HDAC9: variants seen among roughly 807,000 people sequenced by gnomAD.
HDAC9 encodes the protein MEF-2 interacting transcription repressor (MITR) protein.
In HDAC9, 41 loss-of-function variants were observed where a neutral mutation model predicts 139.4. The observed-to-expected ratio is 0.29, with a 90% CI of 0.23 to 0.38. The LOEUF (loss-of-function observed/expected upper bound fraction) is 0.38. Ranked by LOEUF, HDAC9 falls within the 10% of genes least tolerant of loss-of-function variation. The pLI is 1.00. For synonymous variants in HDAC9, 517 were observed against 476.2 expected, an observed-to-expected ratio of 1.09 and a Z score of -1.12; for missense variants, 1,147 against 1,297.0, an observed-to-expected ratio of 0.88 and a Z score of 1.78.
intron 17 of HDAC9, 128 bp from the exon 18 acceptor site, chr7:18,829,033 C>G: frequency 1.4e-6 from 1 of 711,064 alleles, no homozygotes; most frequent in Non-Finnish European, 2.6e-6. Context: ...AAAACAATCT[C>G]GGAAGCGTAT....
At chr7:18,986,869 G>A (rs1235998950) in intron 25 of HDAC9, among the ~76,000 whole-genome samples, 2 of 152,126 alleles carry the variant, frequency 1.3e-5, no homozygotes, top group African/African-American at 4.8e-5. Flanking sequence ...TTGGCTGTTT[G>A]TCTGTTGTTG....
intron 2 of HDAC9, among the ~76,000 whole-genome samples, chr7:18,496,944 G>T (rs1797096929): frequency 6.6e-6 from 1 of 152,080 alleles, no homozygotes; most frequent in Non-Finnish European, 1.5e-5. Context: ...GTCTAGCATT[G>T]TCAGGCAGAT....
intron 1 of HDAC9, among the ~76,000 whole-genome samples, chr7:18,464,431 A>C (rs1470412809): frequency 6.6e-6 from 1 of 151,922 alleles, no homozygotes; most frequent in Admixed American, 6.6e-5. Flanking sequence ...AAGTATGTTT[A>C]TTTTAATATC....
chr7:18,561,945 A>G (rs1443803610), intron 2 of HDAC9, among the ~76,000 whole-genome samples: 2 of 152,220 alleles, frequency 1.3e-5, no homozygotes, highest in Non-Finnish European at 2.9e-5. Context: ...TTTTGTTTGC[A>G]TATATCTAGC....
chr7:18,614,298 C>T (rs79030263), intron 6 of HDAC9, among the ~76,000 whole-genome samples: 1 of 152,204 alleles, frequency 6.6e-6, no homozygotes, highest in African/African-American at 2.4e-5. Context: ...TCCAATCCGC[C>T]ACACCGCAAG....
intron 17 of HDAC9, among the ~76,000 whole-genome samples, chr7:18,796,386 T>A (rs1042974576): frequency 6.6e-6 from 1 of 152,248 alleles, no homozygotes; most frequent in African/African-American, 2.4e-5. Context: ...GGGATATTGA[T>A]GAGCTGAAGG....
chr7:18,377,360 G>A (rs1785074439), intron 1 of HDAC9, among the ~76,000 whole-genome samples: 1 of 152,088 alleles, frequency 6.6e-6, no homozygotes, highest in Non-Finnish European at 1.5e-5. Context: ...AGTATATAGT[G>A]TTTGGTTTTC....
At chr7:18,513,841 C>T (rs969704113) in intron 2 of HDAC9, among the ~76,000 whole-genome samples, 1 of 152,150 alleles carries the variant, frequency 6.6e-6, no homozygotes, top group Non-Finnish European at 1.5e-5. Flanking sequence ...CTTTCTTGAA[C>T]CTCCAAAATA....
At chr7:18,990,175 C>A (rs549171051) in intron 25 of HDAC9, among the ~76,000 whole-genome samples, 27 of 152,236 alleles carry the variant, frequency 1.8e-4, no homozygotes, top group African/African-American at 6.3e-4. Flanking sequence ...TTTTCCCCAT[C>A]TTTGTGGTTT....
At chr7:18,908,532 C>T (rs1802472807) in intron 22 of HDAC9, among the ~76,000 whole-genome samples, 1 of 152,026 alleles carries the variant, frequency 6.6e-6, no homozygotes, top group African/African-American at 2.4e-5. Context: ...CCAACCTTTT[C>T]CTATTTCTCC....
At chr7:18,158,332 T>G (rs991094860) in intron 1 of HDAC9, among the ~76,000 whole-genome samples, 4 of 152,218 alleles carry the variant, frequency 2.6e-5, no homozygotes, top group African/African-American at 9.6e-5. Context: ...TTTGGATTCA[T>G]TGTATCATGT....
intron 1 of HDAC9, among the ~76,000 whole-genome samples, chr7:18,340,932 G>A (rs1340312001): frequency 6.6e-6 from 1 of 151,122 alleles, no homozygotes; most frequent in Non-Finnish European, 1.5e-5. Context: ...TTCAGTTTTT[G>A]TATGTTTGAA....
intron 2 of HDAC9, among the ~76,000 whole-genome samples, chr7:18,214,807 A>T (rs1584675457): frequency 6.6e-6 from 1 of 152,158 alleles, no homozygotes; most frequent in Non-Finnish European, 1.5e-5. Flanking sequence ...GGTAGCAGGA[A>T]ATAAAGCAAA....
intron 12 of HDAC9, chr7:18,668,821 CAAAT>C: frequency 1.0e-6 from 1 of 983,040 alleles, no homozygotes; most frequent in Non-Finnish European, 1.2e-6. Flanking sequence ...CTTCCTTTCT[CAAAT>C]AAAGTTTTTT....
At chr7:18,421,429 A>G (rs1163558151) in intron 1 of HDAC9, among the ~76,000 whole-genome samples, 1 of 151,684 alleles carries the variant, frequency 6.6e-6, no homozygotes, top group African/African-American at 2.4e-5. Flanking sequence ...AAGGAAAGGA[A>G]GGAAAGGGAA....
chr7:18,590,591 T>C, intron 4 of HDAC9, 105 bp downstream of exon 4: 1 of 1,125,570 alleles, frequency 8.9e-7, no homozygotes, highest in African/African-American at 1.6e-5. Flanking sequence ...GTCAAAATTA[T>C]CTGTGTTTAA....
intron 23 of HDAC9, among the ~76,000 whole-genome samples, chr7:18,936,206 C>A (rs542299653): frequency 6.6e-6 from 1 of 152,202 alleles, no homozygotes; most frequent in East Asian, 1.9e-4. Context: ...CTGACCCAAC[C>A]AATGAGTACG....
intron 5 of HDAC9, among the ~76,000 whole-genome samples, chr7:18,592,934 G>T (rs74403558): frequency 0.017 from 2,611 of 152,140 alleles, 60 homozygotes; most frequent in African/African-American, 0.05. Context: ...TACATGCAAA[G>T]AATTTGTCGG....
intron 15 of HDAC9, among the ~76,000 whole-genome samples, chr7:18,763,880 A>C (rs933044243): frequency 3.3e-5 from 5 of 152,172 alleles, no homozygotes; most frequent in Non-Finnish European, 7.4e-5. Flanking sequence ...TTATTGGAAC[A>C]GGCTGGGATT....
Sources: gnomAD v4.1 joint callset for allele counts (sites outside exome capture counted in the v4.1 genomes callset) on GRCh38, gnomAD v4.1.1 for gene constraint, MANE v1.5 for transcripts, NCBI Gene and HGNC (gene_info 2026-07-23, HGNC 2026-07-21) for gene names.